The following MS4A18 variants were observed in gnomAD, a reference collection of about 807,000 sequenced individuals.
The protein encoded by MS4A18 is membrane-spanning 4-domains subfamily A member 18.
A neutral mutation model predicts 13.1 loss-of-function variants in MS4A18; 27 were observed. That is an observed-to-expected ratio of 2.06 (90% CI 1.52 to 2.84). The LOEUF (loss-of-function observed/expected upper bound fraction) is 2.84. Ranked by LOEUF, MS4A18 falls within the 30% of genes most tolerant of loss-of-function variation. The probability of loss-of-function intolerance (pLI) is 0.00; values close to 1 mark genes in which losing one functional copy is unlikely to be tolerated. For missense variants in MS4A18, 307 were observed against 196.4 expected, an observed-to-expected ratio of 1.56 and a Z score of -3.37; for synonymous variants, 126 against 76.5, an observed-to-expected ratio of 1.65 and a Z score of -3.38.
chr11:60,743,080 T>C (rs1853431832), intron 5 of MS4A18, among the ~76,000 whole-genome samples: 4 of 152,248 alleles, frequency 2.6e-5, no homozygotes, highest in African/African-American at 9.6e-5. Flanking sequence ...CAGCGCCACC[T>C]GCCACCTAGT....
intron 1 of MS4A18, among the ~76,000 whole-genome samples, chr11:60,730,960 G>C (rs1383771318): frequency 6.6e-6 from 1 of 152,184 alleles, no homozygotes; most frequent in African/African-American, 2.4e-5. Context: ...CAGGTGTGGT[G>C]GCGGGTGCCT....
intron 4 of MS4A18, 99 bp downstream of exon 5, chr11:60,739,096 C>A: frequency 1.5e-6 from 1 of 658,936 alleles, no homozygotes; most frequent in Non-Finnish European, 2.7e-6. Context: ...AGAATTCCAT[C>A]CTAGTATGAC....
In MS4A18 at chr11:60,735,026, G is replaced by GC. The variant is rs35643363; in HGVS notation, c.591+1385dup. Among the ~76,000 whole-genome samples the GC allele has an allele frequency of 3.1e-3, 473 of 151,978 alleles. 2 individuals carry two copies. The highest frequency in any genetic ancestry group is 0.011 in the African/African-American group (446 of 41,456). On this transcript the variant is annotated intron_variant, in intron 2 of 5. Transcript: ENST00000529108. Reference sequence around the variant, plus strand: ...TCGAACTCCTGACCTCAGGTGATCTGCCCCCCTTGGCTTCCTAAAGCGCTG... The same window carrying GC: ...TCGAACTCCTGACCTCAGGTGATCTGCCCCCCCTTGGCTTCCTAAAGCGCTG...
intron 1 of MS4A18, among the ~76,000 whole-genome samples, chr11:60,730,151 A>C (rs1363895388): frequency 6.6e-6 from 1 of 152,266 alleles, no homozygotes; most frequent in Non-Finnish European, 1.5e-5. Context: ...GTGGCCTTGC[A>C]GACATCTCTT....
At chr11:60,744,148 C>T in exon 6 of MS4A18, 1 of 589,184 alleles carries the variant, frequency 1.7e-6, no homozygotes, top group Non-Finnish European at 3.0e-6. Context: ...CTCCTCTTCA[C>T]TCCTAAGCTT....
intron 4 of MS4A18, among the ~76,000 whole-genome samples, chr11:60,740,640 A>T (rs1304328897): frequency 6.6e-6 from 1 of 152,188 alleles, no homozygotes; most frequent in African/African-American, 2.4e-5. Flanking sequence ...CAAGTAGTTT[A>T]TCTGGGAGAG....
chr11:60,743,670 C>G, exon 6 of MS4A18: 1 of 702,918 alleles, frequency 1.4e-6, no homozygotes, highest in South Asian at 1.5e-5. Context: ...TGATTCCAAC[C>G]GTATTCAGTT....
chr11:60,738,095 G>A (rs979709009), intron 3 of MS4A18, among the ~76,000 whole-genome samples: 5 of 152,110 alleles, frequency 3.3e-5, no homozygotes, highest in African/African-American at 9.7e-5. Context: ...CTCAACTTCC[G>A]TTTCTACTTT....
upstream of MS4A18, among the ~76,000 whole-genome samples, chr11:60,726,551 G>A (rs371964304): frequency 3.9e-5 from 6 of 152,124 alleles, 1 homozygote; most frequent in African/African-American, 1.4e-4. Context: ...CTGGGGAGGG[G>A]ACCAAGAATT....
chr11:60,729,668 T>C (rs1392178682), exon 1 of MS4A18: 1 of 702,788 alleles, frequency 1.4e-6, no homozygotes, highest in African/African-American at 1.7e-5. Flanking sequence ...CAGAATCCTC[T>C]GAATGCTAAC....
intron 2 of MS4A18, among the ~76,000 whole-genome samples, chr11:60,735,016 C>T (rs1853313941): frequency 6.6e-6 from 1 of 152,036 alleles, no homozygotes; most frequent in African/African-American, 2.4e-5. Flanking sequence ...CTCCTGACCT[C>T]AGGTGATCTG....
At chr11:60,738,487 C>T (rs888202990) in intron 3 of MS4A18, among the ~76,000 whole-genome samples, 11 of 152,066 alleles carry the variant, frequency 7.2e-5, no homozygotes, top group African/African-American at 2.7e-4. Flanking sequence ...TCTGCTGCTT[C>T]GAAAGAAATT....
At chr11:60,728,667 T>A (rs965168175), upstream of MS4A18, among the ~76,000 whole-genome samples, 18 of 151,966 alleles carry the variant, frequency 1.2e-4, no homozygotes, top group Admixed American at 1.2e-3. Flanking sequence ...GTGTCTTCTT[T>A]CTCCTTCCCT....
At chr11:60,736,255 T>C (rs939549916) in intron 2 of MS4A18, among the ~76,000 whole-genome samples, 7 of 150,228 alleles carry the variant, frequency 4.7e-5, no homozygotes, top group African/African-American at 1.7e-4. Context: ...GCTGGAATCA[T>C]TATGTATGCC....
chr11:60,744,876 G>C (rs1853463837), downstream of MS4A18, among the ~76,000 whole-genome samples: 3 of 152,208 alleles, frequency 2.0e-5, no homozygotes, highest in South Asian at 6.2e-4. Flanking sequence ...GCAACTGGAG[G>C]TCTCAGATGT....
At chr11:60,733,511 A>C (rs1474118788) in intron 1 of MS4A18, 23 bp from the exon 3 acceptor site, 1 of 703,112 alleles carries the variant, frequency 1.4e-6, no homozygotes, top group South Asian at 1.5e-5. Flanking sequence ...CTGCTCTCTC[A>C]CAGTGACTTG....
chr11:60,729,499 C>T, exon 1 of MS4A18: 1 of 702,824 alleles, frequency 1.4e-6, no homozygotes, highest in Non-Finnish European at 2.6e-6. Flanking sequence ...CTTACAGAAT[C>T]TACTCGTGGT....
At chr11:60,730,166 G>A (rs564138814) in intron 1 of MS4A18, among the ~76,000 whole-genome samples, 19 of 152,312 alleles carry the variant, frequency 1.2e-4, no homozygotes, top group South Asian at 4.1e-4. Flanking sequence ...TCTCTTCCTC[G>A]CTCTGGGCCT....
upstream of MS4A18, among the ~76,000 whole-genome samples, chr11:60,725,436 T>C (rs1234108278): frequency 2.6e-5 from 4 of 152,118 alleles, no homozygotes; most frequent in Admixed American, 1.3e-4. Flanking sequence ...CCTCGTGATC[T>C]GCCCGCCTTG....
Sources: allele counts gnomAD v4.1 joint callset (sites outside exome capture counted in the v4.1 genomes callset), GRCh38; gene constraint gnomAD v4.1.1; transcripts MANE v1.5; gene names NCBI Gene and HGNC (gene_info 2026-07-23, HGNC 2026-07-21).